Variants in PDXP observed in about 807,000 individuals in gnomAD.
PDXP encodes chronophin.
A neutral mutation model predicts 14.4 loss-of-function variants in PDXP; 15 were observed. That is an observed-to-expected ratio of 1.04 (90% CI 0.70 to 1.60). The LOEUF is 1.60. PDXP is among the 40% of genes most tolerant of loss of function. The pLI is 0.00. For missense variants in PDXP, 413 were observed against 427.6 expected (o/e 0.97, Z 0.30); for synonymous variants, 233 against 205.6 (o/e 1.13, Z -1.14).
rs763030330 is a variant in PDXP, at chr22:37,661,917, A to ATTTTTTTTTTTTTT, written c.574+2590_574+2603dup. Among the ~76,000 whole-genome samples the ATTTTTTTTTTTTTT allele has an allele frequency of 1.4e-4, 10 of 71,218 alleles. 1 individual carries two copies. The highest frequency in any genetic ancestry group is 1.8e-4 in the Non-Finnish European group (7 of 38,944). 46.7% of individuals were successfully genotyped at this position (71,218 alleles called of 152,430 possible). On this transcript the variant is annotated intron_variant, in intron 1 of 1. Coordinates refer to ENST00000215904, the MANE Select transcript of PDXP (RefSeq NM_020315.5). ...CTTTTATTCTCTCTCTTTTTCTTTA[A>ATTTTTTTTTTTTTT]TTTTTTTTTTTTTTTTTTTTTTTTT...
chr22:37,659,353 C>G lies in PDXP; in HGVS notation c.571C>G (p.Pro191Ala), dbSNP rs1388961255. The part of the protein sequence containing the change: ...WHPLSDGSRT[P>A]GTGSLAAAVE... ...CCCGCTGAGCGACGGCAGCCGGACC[C>G]CTGGTGAGCGCGGGAATGGCGGGGA... The change falls in exon 1 of 2, where the codon CCT becomes GCT. Residue 191 changes from proline to alanine, a missense_variant. Physicochemically the swap from Pro to Ala is conservative, Grantham distance 27. Coordinates refer to ENST00000215904, the MANE Select transcript of PDXP (RefSeq NM_020315.5). The G allele has an allele frequency of 7.7e-7, 1 of 1,299,608 alleles. No homozygotes were observed. Among genetic ancestry groups the G allele is most frequent in the Non-Finnish European group, 9.8e-7 (1 of 1,022,058 alleles). 80.5% of individuals were successfully genotyped at this position (1,299,608 alleles called of 1,614,324 possible). A position where few individuals can be genotyped will look rare whatever the true frequency, so the allele number is the denominator to read the frequency against.
Position 37,659,086 on chromosome 22 carries a change from G to C in PDXP, c.304G>C (p.Gly102Arg), listed in dbSNP as rs1426034245. The change falls in exon 1 of 2, where the codon GGG (glycine) becomes CGG (arginine). Residue 102 changes from glycine (G) to arginine (R), a missense_variant. Coordinates refer to ENST00000215904, the MANE Select transcript of PDXP (RefSeq NM_020315.5). ...AARLLRQRLP[G>R]PPDAPGAVFV... Reference sequence around the variant, plus strand: ...GCGCCTGCTGCGCCAGCGCCTGCCCGGGCCTCCGGACGCGCCGGGCGCCGT... The same window carrying C: ...GCGCCTGCTGCGCCAGCGCCTGCCCCGGCCTCCGGACGCGCCGGGCGCCGT... 1 of 1,078,604 alleles carries C rather than the reference G, an allele frequency of 9.3e-7. No individual in the cohort carries two copies. Among genetic ancestry groups the C allele is most frequent in the Non-Finnish European group, 1.1e-6 (1 of 891,650 alleles). 66.8% of individuals were successfully genotyped at this position (1,078,604 alleles called of 1,614,324 possible). A position where few individuals can be genotyped will look rare whatever the true frequency, so the allele number is the denominator to read the frequency against.
chr22:37,665,508 G>A (rs778630085), intron 1 of PDXP, 47 bp from the exon 2 acceptor site: 7 of 1,472,518 alleles, frequency 4.8e-6, no homozygotes, highest in South Asian at 1.2e-5. Flanking sequence ...AGGGCCTGAC[G>A]CTGTCCCTGC....
chr22:37,663,914 G>A (rs1178796836), intron 1 of PDXP, among the ~76,000 whole-genome samples: 5 of 133,614 alleles, frequency 3.7e-5, no homozygotes, highest in Non-Finnish European at 7.8e-5. Context: ...CCTGGAATAC[G>A]TTGACTTTTT....
rs1933140571 is a variant in PDXP at position 37,658,976 on chromosome 22, G to A, written c.194G>A (p.Arg65Gln). The change falls in exon 1 of 2, where the codon CGG becomes CAG. Residue 65 changes from arginine (R) to glutamine (Q), a missense_variant. By Grantham distance (43) the Arg-to-Gln change is conservative. Coordinates refer to ENST00000215904, the MANE Select transcript of PDXP (RefSeq NM_020315.5). ...LFVSNNSRRA[R>Q]PELALRFARL... ...GTGAGCAACAACAGCCGGCGCGCGC[G>A]GCCCGAGCTGGCCCTGCGCTTCGCG... is the stretch of plus-strand genomic sequence containing the variant. 2.5e-6 allele frequency: 3 copies of A among 1,199,614 alleles called. No homozygotes were observed. Among genetic ancestry groups the A allele is most frequent in the Middle Eastern group, 3.3e-4 (1 of 2,986 alleles). 74.3% of individuals were successfully genotyped at this position (1,199,614 alleles called of 1,614,324 possible).
intron 1 of PDXP, among the ~76,000 whole-genome samples, chr22:37,660,077 G>A (rs569897698): frequency 1.3e-5 from 2 of 152,198 alleles, no homozygotes; most frequent in Non-Finnish European, 2.9e-5. Context: ...CCAGCTACTC[G>A]AGAGGCTGAG....
rs1448481520 is a variant in PDXP at position 37,665,639 on chromosome 22, A to T, written c.659A>T (p.Glu220Val). 6.2e-7 allele frequency: 1 copy of T among 1,613,940 alleles called. No homozygotes were observed. The highest frequency in any genetic ancestry group is 8.5e-7 in the Non-Finnish European group (1 of 1,179,996). The stretch of plus-strand genomic sequence containing the variant: ...GGCAAGCCCAGCCCCTACATGTTCG[A>T]GTGCATCACGGAGAACTTCAGCATC... Reference protein sequence around the residue: ...VVGKPSPYMFECITENFSIDP... With the variant: ...VVGKPSPYMFVCITENFSIDP... The change falls in exon 2 of 2, where the codon GAG becomes GTG. Residue 220 changes from glutamate (E) to valine (V), a missense_variant. Glu to Val is a moderately radical substitution (Grantham distance 121). Transcript: ENST00000215904.
rs1046189217 is a variant in PDXP at position 37,658,980 on chromosome 22, C to T, written c.198C>T (p.Pro66=). Reference sequence around the variant, plus strand: ...GCAACAACAGCCGGCGCGCGCGGCCCGAGCTGGCCCTGCGCTTCGCGCGCC... The same window carrying T: ...GCAACAACAGCCGGCGCGCGCGGCCTGAGCTGGCCCTGCGCTTCGCGCGCC... ...FVSNNSRRAR[P]ELALRFARLG... Residue 66 remains proline, a synonymous_variant, in exon 1 of 2, where the codon CCC becomes CCT. Transcript: ENST00000215904. 1 of 1,200,838 alleles carries T rather than the reference C, an allele frequency of 8.3e-7. No homozygotes were observed. Among genetic ancestry groups the T allele is most frequent in the Non-Finnish European group, 1.0e-6 (1 of 965,672 alleles). The allele number at this position is 1,200,838 out of a possible 1,614,324, so 74.4% of individuals were successfully genotyped here.
intron 1 of PDXP, among the ~76,000 whole-genome samples, chr22:37,659,967 C>G (rs1054419580): frequency 6.6e-6 from 1 of 151,524 alleles, no homozygotes; most frequent in East Asian, 1.9e-4. Flanking sequence ...TGTGTGTGTT[C>G]TTCTTTGGTT....
At chr22:37,662,294 C>A (rs1251102874) in intron 1 of PDXP, among the ~76,000 whole-genome samples, 1 of 152,132 alleles carries the variant, frequency 6.6e-6, no homozygotes, top group Non-Finnish European at 1.5e-5. Context: ...GATTCTTGCT[C>A]TCCCCGCCTG....
rs1921064793 is a variant in PDXP at position 37,665,895 on chromosome 22, G to T, written c.*24G>T. The stretch of plus-strand genomic sequence containing the variant: ...GAGCCCACTGCACCTGCAGCCACAG[G>T]CCCACCCCTCCCCACTCCCTGATCC... On this transcript the variant is annotated 3_prime_UTR_variant, in exon 2 of 2. Coordinates refer to ENST00000215904, the MANE Select transcript of PDXP (RefSeq NM_020315.5). 1 of 1,598,112 alleles carries T rather than the reference G, an allele frequency of 6.3e-7. No homozygotes were observed. Among genetic ancestry groups the T allele is most frequent in the African/African-American group, 1.3e-5 (1 of 74,686 alleles).
At chr22:37,659,917 C>T (rs1163971973) in intron 1 of PDXP, among the ~76,000 whole-genome samples, 1 of 152,176 alleles carries the variant, frequency 6.6e-6, no homozygotes, top group African/African-American at 2.4e-5. Context: ...AAGTTGTAGC[C>T]AGAGTCCCCC....
At chr22:37,659,853 C>T (rs1266854045) in intron 1 of PDXP, among the ~76,000 whole-genome samples, 3 of 152,128 alleles carry the variant, frequency 2.0e-5, no homozygotes, top group Non-Finnish European at 4.4e-5. Flanking sequence ...TCAGCATGCC[C>T]GGTGACGGTG....
Position 37,665,787 on chromosome 22 carries a change from C to T in PDXP, c.807C>T (p.Ala269=). ...TCTCCCGCCTAGAAGAGGCCCAGGC[C>T]TACCTAGCGGCCGGCCAGCACGACC... ...TGVSRLEEAQ[A]YLAAGQHDLV... The change falls in exon 2 of 2, where the codon GCC becomes GCT. Residue 269 remains alanine, a synonymous_variant. Coordinates refer to ENST00000215904, the MANE Select transcript of PDXP (RefSeq NM_020315.5). 6.2e-7 allele frequency: 1 copy of T among 1,614,120 alleles called. No homozygotes were observed. The highest frequency in any genetic ancestry group is 8.5e-7 in the Non-Finnish European group (1 of 1,180,044).
At chr22:37,660,601 C>T (rs1245166717) in intron 1 of PDXP, among the ~76,000 whole-genome samples, 4 of 152,218 alleles carry the variant, frequency 2.6e-5, no homozygotes, top group African/African-American at 4.8e-5. Flanking sequence ...GGCTAATTGG[C>T]AGTGGTCAGT....
chr22:37,659,409 C>T, intron 1 of PDXP, 53 bp downstream of exon 1: 2 of 1,231,522 alleles, frequency 1.6e-6, no homozygotes, highest in African/African-American at 1.5e-5. Context: ...GCGCATTCGC[C>T]TCCACGCCTA....
intron 1 of PDXP, among the ~76,000 whole-genome samples, chr22:37,661,899 T>C (rs995173864): frequency 1.3e-5 from 2 of 149,684 alleles, no homozygotes; most frequent in Non-Finnish European, 3.0e-5. Context: ...TGGCTTTTAT[T>C]CTCTCTCTTT....
At position 37,665,641 on chromosome 22, in the gene PDXP, T is replaced by C; in HGVS notation, c.661T>C (p.Cys221Arg). 1 of 1,613,884 alleles carries C rather than the reference T, an allele frequency of 6.2e-7. No homozygotes were observed. Among genetic ancestry groups the C allele is most frequent in the Non-Finnish European group, 8.5e-7 (1 of 1,179,974 alleles). ...CAAGCCCAGCCCCTACATGTTCGAG[T>C]GCATCACGGAGAACTTCAGCATCGA... ...VGKPSPYMFE[C>R]ITENFSIDPA... is the part of the protein sequence containing the mutation. The change falls in exon 2 of 2, where the codon TGC becomes CGC. Residue 221 changes from cysteine to arginine, a missense_variant. Cys to Arg is a radical substitution (Grantham distance 180, BLOSUM62 -3). Transcript: ENST00000215904.
chr22:37,659,471 G>A, intron 1 of PDXP, 115 bp downstream of exon 1: 1 of 746,690 alleles, frequency 1.3e-6, no homozygotes, highest in Non-Finnish European at 1.8e-6. Context: ...GGGAACAGGA[G>A]AGTGCGAGGG....
Sources: allele counts gnomAD v4.1 joint callset (sites outside exome capture counted in the v4.1 genomes callset), GRCh38; gene constraint gnomAD v4.1.1; transcripts MANE v1.5; gene names NCBI Gene and HGNC (gene_info 2026-07-23, HGNC 2026-07-21).